MVB12B: variants seen among roughly 807,000 people sequenced by gnomAD.
The protein encoded by MVB12B is multivesicular body subunit 12B.
In MVB12B, 16 loss-of-function variants were observed where a neutral mutation model predicts 41.6. That is an observed-to-expected ratio of 0.38 (90% CI 0.26 to 0.58). The LOEUF is 0.58. MVB12B is among the 20% of genes least tolerant of loss of function. The pLI is 0.62. For synonymous variants in MVB12B, 133 were observed against 139.7 expected (o/e 0.95, Z 0.34); for missense variants, 274 against 380.2 (o/e 0.72, Z 2.32).
rs561217332 is a variant in MVB12B at position 126,504,188 on chromosome 9, A to G, written c.*925A>G. The G allele has an allele frequency of 6.6e-6, 1 of 152,392 alleles. No individual in the cohort carries two copies. The highest frequency in any genetic ancestry group is 1.9e-4 in the East Asian group (1 of 5,184). 9.4% of individuals were successfully genotyped at this position (152,392 alleles called of 1,614,324 possible). A position where few individuals can be genotyped will look rare whatever the true frequency, so the allele number is the denominator to read the frequency against. ...TTGACGGTATCTGCTGACGGGAACAAGTCATTCTGAAAGGTCCCTCTGACC... is the reference window on the plus strand; with the variant it reads ...TTGACGGTATCTGCTGACGGGAACAGGTCATTCTGAAAGGTCCCTCTGACC... On this transcript the variant is annotated 3_prime_UTR_variant, in exon 10 of 10. Coordinates refer to ENST00000361171, the MANE Select transcript of MVB12B (RefSeq NM_033446.3).
intron 1 of MVB12B, among the ~76,000 whole-genome samples, chr9:126,330,654 T>C (rs1041523357): frequency 1.3e-5 from 2 of 152,186 alleles, no homozygotes; most frequent in African/African-American, 4.8e-5. Context: ...CATCTTTAAG[T>C]GCACAGATCG....
At chr9:126,385,731 G>C (rs1422720180) in intron 3 of MVB12B, among the ~76,000 whole-genome samples, 5 of 152,186 alleles carry the variant, frequency 3.3e-5, no homozygotes, top group Non-Finnish European at 7.3e-5. Context: ...ACGAGAGAGG[G>C]GGAACCAAGC....
chr9:126,338,162 CTCCG>C (rs1223032124), intron 1 of MVB12B, among the ~76,000 whole-genome samples: 1 of 152,248 alleles, frequency 6.6e-6, no homozygotes, highest in Non-Finnish European at 1.5e-5. Flanking sequence ...CAAAGGCCGC[CTCCG>C]TCCGGGGCAC....
At chr9:126,449,352 T>C (rs1272067969) in intron 7 of MVB12B, among the ~76,000 whole-genome samples, 1 of 152,160 alleles carries the variant, frequency 6.6e-6, no homozygotes, top group Non-Finnish European at 1.5e-5. Flanking sequence ...AGAACCATCC[T>C]GGCAGATGGC....
chr9:126,378,302 C>A (rs1301385742), intron 2 of MVB12B, among the ~76,000 whole-genome samples: 1 of 152,244 alleles, frequency 6.6e-6, no homozygotes, highest in East Asian at 1.9e-4. Flanking sequence ...ATTTATCTTG[C>A]AGATCATTAG....
intron 9 of MVB12B, among the ~76,000 whole-genome samples, chr9:126,499,638 G>A (rs1420859475): frequency 1.3e-5 from 2 of 152,194 alleles, no homozygotes; most frequent in African/African-American, 4.8e-5. Context: ...CCGCGTCTGC[G>A]GGAAGGCGGC....
At chr9:126,464,593 A>G (rs963215237) in intron 7 of MVB12B, among the ~76,000 whole-genome samples, 2 of 152,224 alleles carry the variant, frequency 1.3e-5, no homozygotes, top group African/African-American at 4.8e-5. Flanking sequence ...TTGGCCATGA[A>G]TGGATCTTCT....
At position 126,376,847 on chromosome 9, in the gene MVB12B, T is replaced by C. The variant is rs920676009; in HGVS notation, c.205-4217T>C. Among the ~76,000 whole-genome samples the C allele has an allele frequency of 1.3e-5, 2 of 152,158 alleles. No homozygotes were observed. Among genetic ancestry groups the C allele is most frequent in the Admixed American group, 1.3e-4 (2 of 15,276 alleles). ...AAACTGGGGTGGGCACCTGGGAGTC[T>C]AACCACTTTGTTTATGAACCTTGTT... On this transcript the variant is annotated intron_variant, in intron 2 of 9. Coordinates refer to ENST00000361171, the MANE Select transcript of MVB12B (RefSeq NM_033446.3). This position sits in a 1 kb window ranked among gnomAD's most constrained non-coding sequence, Gnocchi z 4.1.
rs758564286 is a variant in MVB12B at position 126,395,543 on chromosome 9, A to G, written c.540-32A>G. ...CTCAGGTAAATGCTTTGTGCTAACC[A>G]GAGCCATGAAGATTTCTCTTTTTTC... On this transcript the variant is annotated intron_variant, in intron 5 of 9. Coordinates refer to ENST00000361171, the MANE Select transcript of MVB12B (RefSeq NM_033446.3). The surrounding 1 kb of genome is among the most constrained non-coding windows in gnomAD (Gnocchi z 4.9). The G allele has an allele frequency of 5.6e-6, 9 of 1,613,544 alleles. No individual in the cohort carries two copies. The South Asian group carries it at 9.9e-5, about 18-fold the overall frequency.
Position 126,395,470 on chromosome 9 carries a change from T to C in MVB12B, c.540-105T>C. 7.4e-7 allele frequency: 1 copy of C among 1,349,626 alleles called. No individual in the cohort carries two copies. Among genetic ancestry groups the C allele is most frequent in the Non-Finnish European group, 1.0e-6 (1 of 967,480 alleles). 83.6% of individuals were successfully genotyped at this position (1,349,626 alleles called of 1,614,324 possible). A position where few individuals can be genotyped will look rare whatever the true frequency, so the allele number is the denominator to read the frequency against. ...ACGTGGAGGGCAAGAATTGATTCCC[T>C]GGTGTTTGAGGCCATGACTCTTTTA... is the stretch of plus-strand genomic sequence containing the variant. On this transcript the variant is annotated intron_variant, in intron 5 of 9. Transcript: ENST00000361171. This position sits in a 1 kb window ranked among gnomAD's most constrained non-coding sequence, Gnocchi z 4.9.
chr9:126,480,233 G>A lies in MVB12B; in HGVS notation c.758-1136G>A, dbSNP rs118038373. On this transcript the variant is annotated intron_variant, in intron 7 of 9. Coordinates refer to ENST00000361171, the MANE Select transcript of MVB12B (RefSeq NM_033446.3). The surrounding 1 kb of genome is among the most constrained non-coding windows in gnomAD (Gnocchi z 4.9). ...TCCGCGTCCCTGCACTCATGACCAGGCCCCTAACAACTGCGGCTGCATGTT... is the reference window on the plus strand; with the variant it reads ...TCCGCGTCCCTGCACTCATGACCAGACCCCTAACAACTGCGGCTGCATGTT... 0.013 allele frequency among the ~76,000 whole-genome samples: 1,952 copies of A among 152,276 alleles called. 20 individuals are homozygous for A. Among genetic ancestry groups the A allele is most frequent in the Admixed American group, 0.025 (381 of 15,310 alleles).
chr9:126,347,448 A>G (rs541012662), intron 2 of MVB12B, among the ~76,000 whole-genome samples: 11 of 152,386 alleles, frequency 7.2e-5, no homozygotes, highest in Middle Eastern at 3.4e-3. Flanking sequence ...CTGGACCTGT[A>G]TAATTTATAT....
intron 7 of MVB12B, among the ~76,000 whole-genome samples, chr9:126,431,429 G>A (rs1478898573): frequency 6.6e-6 from 1 of 152,190 alleles, no homozygotes; most frequent in African/African-American, 2.4e-5. Context: ...TTTTTTGGAG[G>A]AAAAGTGCCT....
chr9:126,346,715 T>A (rs1274119609), intron 2 of MVB12B, among the ~76,000 whole-genome samples: 1 of 151,916 alleles, frequency 6.6e-6, no homozygotes, highest in African/African-American at 2.4e-5. Context: ...TGGTTAAGGA[T>A]GGGTAGAAGA....
intron 7 of MVB12B, among the ~76,000 whole-genome samples, chr9:126,465,715 A>C (rs1352200553): frequency 6.6e-6 from 1 of 152,056 alleles, no homozygotes; most frequent in Non-Finnish European, 1.5e-5. Context: ...TCCTTCCAGC[A>C]GTGTGTCAAG....
At chr9:126,439,609 C>T (rs1007503504) in intron 7 of MVB12B, among the ~76,000 whole-genome samples, 2 of 152,234 alleles carry the variant, frequency 1.3e-5, no homozygotes, top group African/African-American at 4.8e-5. Context: ...CTCACACGTA[C>T]AGTACCAACT....
rs138263586 is a variant in MVB12B at position 126,367,347 on chromosome 9, G to A, written c.205-13717G>A. On this transcript the variant is annotated intron_variant, in intron 2 of 9. Coordinates refer to ENST00000361171, the MANE Select transcript of MVB12B (RefSeq NM_033446.3). The surrounding 1 kb of genome is among the most constrained non-coding windows in gnomAD (Gnocchi z 4.3). ...CTCCTCCCACCAGATCTCTGTGGTC[G>A]TATGGTCTGCTCTCTCTCTCTCATC... is the stretch of plus-strand genomic sequence containing the variant. 2.3e-3 allele frequency among the ~76,000 whole-genome samples: 343 copies of A among 152,042 alleles called. 6 individuals carry two copies. Among genetic ancestry groups the A allele is most frequent in the African/African-American group, 7.2e-3 (300 of 41,388 alleles).
At chr9:126,454,475 C>T (rs936765463) in intron 7 of MVB12B, among the ~76,000 whole-genome samples, 1 of 152,236 alleles carries the variant, frequency 6.6e-6, no homozygotes, top group African/African-American at 2.4e-5. Context: ...CAGCTAATCC[C>T]ATTGAGCCTC....
intron 6 of MVB12B, among the ~76,000 whole-genome samples, chr9:126,410,956 C>T (rs1270322927): frequency 6.7e-6 from 1 of 149,116 alleles, no homozygotes; most frequent in Non-Finnish European, 1.5e-5. Context: ...GGCGTGATCT[C>T]TGCTTACTGC....
Sources: allele counts gnomAD v4.1 joint callset (sites outside exome capture counted in the v4.1 genomes callset), GRCh38; gene constraint gnomAD v4.1.1; non-coding constraint Gnocchi (gnomAD v3.1); transcripts MANE v1.5; gene names NCBI Gene and HGNC (gene_info 2026-07-23, HGNC 2026-07-21).